Variants in STKLD1 observed in about 807,000 individuals in gnomAD.
STKLD1 encodes serine/threonine kinase like domain containing 1, also known as serine/threonine kinase-like domain-containing protein STKLD1.
Under a neutral mutation model 80.4 loss-of-function variants are expected in STKLD1, and 79 were observed. That is an observed-to-expected ratio of 0.98 (90% CI 0.82 to 1.19). The LOEUF (loss-of-function observed/expected upper bound fraction) is 1.19, where lower values mean the gene tolerates loss of function less well. Ranked by LOEUF, STKLD1 falls within the 50% of genes most tolerant of loss-of-function variation. The probability of loss-of-function intolerance (pLI) is 0.00; values close to 1 mark genes in which losing one functional copy is unlikely to be tolerated. For synonymous variants in STKLD1, 393 were observed against 357.6 expected, an observed-to-expected ratio of 1.10 and a Z score of -1.12; for missense variants, 841 against 856.0, an observed-to-expected ratio of 0.98 and a Z score of 0.22.
rs2130275459 is a variant in STKLD1, at chr9:133,385,738, TGCAGGACCA to T, written c.294+48_294+56del. ...CGGGCTCAGCCGCCACGCAGTGGGC[TGCAGGACCA>T]AGCAGACTGAGCCCAGAGCACGCCC... is the stretch of plus-strand genomic sequence containing the variant. On this transcript the variant is annotated intron_variant, in intron 4 of 17. Coordinates refer to ENST00000371957, the MANE Select transcript of STKLD1 (RefSeq NM_153710.5). The surrounding 1 kb of genome is among the most constrained non-coding windows in gnomAD (Gnocchi z 4.9). 6.3e-7 allele frequency: 1 copy of T among 1,576,814 alleles called. No individual in the cohort carries two copies. Among genetic ancestry groups the T allele is most frequent in the Non-Finnish European group, 8.7e-7 (1 of 1,148,448 alleles).
In STKLD1 at chr9:133,389,495, C is replaced by T. The variant is rs1386061012; in HGVS notation, c.397-31C>T. ...CCTGAAAGCAGCACAGGGTGCCCCT[C>T]CCATCCTGGCACCCCCTACTTCTCC... On this transcript the variant is annotated intron_variant, in intron 5 of 17. Transcript: ENST00000371957. This position sits in a 1 kb window ranked among gnomAD's most constrained non-coding sequence, Gnocchi z 6.4. 1.2e-6 allele frequency: 2 copies of T among 1,610,794 alleles called. No homozygotes were observed. Among genetic ancestry groups the T allele is most frequent in the East Asian group, 2.2e-5 (1 of 44,816 alleles).
intron 9 of STKLD1, among the ~76,000 whole-genome samples, chr9:133,396,326 T>C (rs1351368764): frequency 6.6e-6 from 1 of 152,128 alleles, no homozygotes; most frequent in Non-Finnish European, 1.5e-5. Flanking sequence ...TCCCAGCTAC[T>C]GGGGAGGCTG....
Position 133,385,679 on chromosome 9 carries a change from G to C in STKLD1, c.282G>C (p.Thr94=), listed in dbSNP as rs145815775. ...CTGTGTACCAGGAGCTGTTCATCAC[G>C]TGGAATGGGGAGGTGGGTCAGAGCT... ...HISVYQELFI[T]WNGEISSLYL... Residue 94 remains threonine (T), a synonymous_variant, in exon 4 of 18, where the codon ACG becomes ACC. Transcript: ENST00000371957. The surrounding 1 kb of genome is among the most constrained non-coding windows in gnomAD (Gnocchi z 4.9). 4.3e-6 allele frequency: 7 copies of C among 1,613,100 alleles called. No individual in the cohort carries two copies. Among genetic ancestry groups the C allele is most frequent in the Non-Finnish European group, 5.9e-6 (7 of 1,179,920 alleles).
chr9:133,379,946 C>T (rs1446816220), intron 2 of STKLD1, among the ~76,000 whole-genome samples: 1 of 152,252 alleles, frequency 6.6e-6, no homozygotes, highest in Non-Finnish European at 1.5e-5. Flanking sequence ...TGCCCCTGCC[C>T]TGCTCCCTTG....
intron 9 of STKLD1, among the ~76,000 whole-genome samples, chr9:133,396,390 A>G (rs1564382024): frequency 6.6e-6 from 1 of 152,024 alleles, no homozygotes; most frequent in Non-Finnish European, 1.5e-5. Flanking sequence ...GTGAGCTGAG[A>G]TCTCGCCACT....
intron 7 of STKLD1, among the ~76,000 whole-genome samples, chr9:133,393,657 G>GTGGA (rs72031144): frequency 0.51 from 73,938 of 144,622 alleles, 19,182 homozygotes; most frequent in African/African-American, 0.56. Flanking sequence ...GGGTGGGTGG[G>GTGGA]TGGATGGATG....
rs1402824899 is a variant in STKLD1, at chr9:133,394,989, C to T, written c.702+580C>T. The stretch of plus-strand genomic sequence containing the variant: ...CTGGCTGCAGGGAGGCAGGGAAGTC[C>T]AGCCTGTCGCTTCCTATCCTCTATA... On this transcript the variant is annotated intron_variant, in intron 8 of 17. Coordinates refer to ENST00000371957, the MANE Select transcript of STKLD1 (RefSeq NM_153710.5). The surrounding 1 kb of genome is among the most constrained non-coding windows in gnomAD (Gnocchi z 4.9). Among the ~76,000 whole-genome samples the T allele has an allele frequency of 1.3e-5, 2 of 152,210 alleles. No individual in the cohort carries two copies.
At chr9:133,399,895 G>GA (rs1838652778) in intron 11 of STKLD1, among the ~76,000 whole-genome samples, 1 of 134,404 alleles carries the variant, frequency 7.4e-6, no homozygotes, top group African/African-American at 3.2e-5. Context: ...AAAAAAAAAA[G>GA]AGGGGGGGGT....
At chr9:133,383,665 ATGATGG>A (rs1173279390) in intron 2 of STKLD1, among the ~76,000 whole-genome samples, 185 bp from the exon 3 acceptor site, 3 of 147,546 alleles carry the variant, frequency 2.0e-5, no homozygotes, top group African/African-American at 5.1e-5. Context: ...AGTGATGGTG[ATGATGG>A]TGATGGTGAT....
chr9:133,383,710 G>T (rs1277866765), intron 2 of STKLD1, 146 bp from the exon 3 acceptor site: 2 of 718,882 alleles, frequency 2.8e-6, no homozygotes, highest in Admixed American at 3.8e-5. Context: ...GGTGTTGGTT[G>T]TGGTTGTGGT....
At chr9:133,403,042 G>A (rs367671210) in intron 14 of STKLD1, 30 bp downstream of exon 14, 259 of 1,538,506 alleles carry the variant, frequency 1.7e-4, no homozygotes, top group South Asian at 3.5e-4. Context: ...CTGTCCCACC[G>A]GGGCTGGCAG....
chr9:133,402,117 T>C (rs1838721427), intron 13 of STKLD1, among the ~76,000 whole-genome samples: 1 of 152,194 alleles, frequency 6.6e-6, no homozygotes, highest in Non-Finnish European at 1.5e-5. Context: ...ACAGACATGC[T>C]AGGCGCAGCT....
At chr9:133,387,412 G>T (rs2130279489) in intron 4 of STKLD1, 35 bp from the exon 5 acceptor site, 2 of 1,578,402 alleles carry the variant, frequency 1.3e-6, no homozygotes, top group Admixed American at 3.3e-5. Context: ...CCGGGGCCTG[G>T]GCGTCCTTTG....
rs1024874272 is a variant in STKLD1 at position 133,385,876 on chromosome 9, C to T, written c.294+185C>T. Among the ~76,000 whole-genome samples, 1 of 151,726 alleles carries T rather than the reference C, an allele frequency of 6.6e-6. No homozygotes were observed. Among genetic ancestry groups the T allele is most frequent in the African/African-American group, 2.4e-5 (1 of 41,284 alleles). On this transcript the variant is annotated intron_variant, in intron 4 of 17. Coordinates refer to ENST00000371957, the MANE Select transcript of STKLD1 (RefSeq NM_153710.5). The surrounding 1 kb of genome is among the most constrained non-coding windows in gnomAD (Gnocchi z 4.9). Reference sequence around the variant, plus strand: ...GGCCAGGTACCATGCTGGGGGCTTTCGGTGCATAGTCTCATAGGAGCCCCA... The same window carrying T: ...GGCCAGGTACCATGCTGGGGGCTTTTGGTGCATAGTCTCATAGGAGCCCCA...
At chr9:133,387,579 G>A in intron 5 of STKLD1, 31 bp downstream of exon 5, 1 of 1,571,392 alleles carries the variant, frequency 6.4e-7, no homozygotes, top group Non-Finnish European at 8.8e-7. Flanking sequence ...AGGCCTGGGG[G>A]CCACCTAGAC....
At position 133,395,753 on chromosome 9, in the gene STKLD1, A is replaced by G. The variant is rs1564381732; in HGVS notation, c.856A>G (p.Ile286Val). ...LMLQIDPSDR[I>V]TIKDVVHITF... is the part of the protein sequence containing the mutation. ...GCTCCAGATCGACCCCTCGGATCGA[A>G]TAACGATAAAGTGAGCTCAGGGTCG... The change falls in exon 9 of 18, where the codon ATA (isoleucine) becomes GTA (valine). Residue 286 changes from isoleucine (I) to valine (V), a missense_variant. Physicochemically the swap from Ile to Val is conservative, Grantham distance 29. Transcript: ENST00000371957. 4.3e-6 allele frequency: 7 copies of G among 1,613,436 alleles called. No individual in the cohort carries two copies. The highest frequency in any genetic ancestry group is 1.3e-5 in the African/African-American group (1 of 75,060).
intron 2 of STKLD1, among the ~76,000 whole-genome samples, chr9:133,380,731 G>A (rs1243057667): frequency 6.6e-6 from 1 of 152,128 alleles, no homozygotes; most frequent in Non-Finnish European, 1.5e-5. Context: ...GAAAGAGAGT[G>A]TAGGTAGGAG....
chr9:133,391,136 TGGG>T (rs370884062), intron 7 of STKLD1, among the ~76,000 whole-genome samples: 1 of 146,520 alleles, frequency 6.8e-6, no homozygotes, highest in Non-Finnish European at 1.5e-5. Flanking sequence ...CGGAGGGAGG[TGGG>T]GGGGGTCAGC....
rs1361931450 is a variant in STKLD1, at chr9:133,403,016, A to AG, written c.1474+8dup. 1 of 1,561,924 alleles carries AG rather than the reference A, an allele frequency of 6.4e-7. No homozygotes were observed. Among genetic ancestry groups the AG allele is most frequent in the East Asian group, 2.4e-5 (1 of 42,170 alleles). ...CTCTGGGCCCTCCTGCTGGACGGTG[A>AG]GGGGCCCTCCTCCTGCTGTCCCACC... On this transcript the variant is annotated splice_donor_region_variant and intron_variant, in intron 14 of 17. Transcript: ENST00000371957.
Sources: allele counts gnomAD v4.1 joint callset (sites outside exome capture counted in the v4.1 genomes callset), GRCh38; gene constraint gnomAD v4.1.1; non-coding constraint Gnocchi (gnomAD v3.1); transcripts MANE v1.5; gene names NCBI Gene and HGNC (gene_info 2026-07-23, HGNC 2026-07-21).